Variants in G2E3 observed in about 807,000 individuals in gnomAD.
The protein encoded by G2E3 is G2/M-phase specific E3 ubiquitin protein ligase.
A neutral mutation model predicts 92.8 loss-of-function variants in G2E3; 35 were observed. The ratio of observed to expected loss-of-function variants is 0.38; its 90% CI spans 0.29 to 0.50. The LOEUF is 0.50. Among genes scored for constraint, G2E3 ranks in the 20% least tolerant of loss-of-function variants. The pLI, the probability that G2E3 is intolerant of heterozygous loss-of-function variation, is 0.94. For synonymous variants in G2E3, 242 were observed against 272.4 expected (o/e 0.89, Z 1.10); for missense variants, 554 against 823.8 (o/e 0.67, Z 4.01).
chr14:30,594,979 A>C (rs1252184561), intron 6 of G2E3, among the ~76,000 whole-genome samples: 3 of 151,898 alleles, frequency 2.0e-5, no homozygotes, highest in Admixed American at 2.0e-4. Flanking sequence ...AAATACAAAA[A>C]AAAAAAAAAT....
At chr14:30,581,799 C>T (rs981205251) in intron 2 of G2E3, among the ~76,000 whole-genome samples, 4 of 152,162 alleles carry the variant, frequency 2.6e-5, no homozygotes, top group African/African-American at 9.6e-5. Flanking sequence ...TTGACCTTTG[C>T]TTTTAATTGT....
At chr14:30,614,553 A>C (rs1882230389) in intron 13 of G2E3, among the ~76,000 whole-genome samples, 1 of 152,232 alleles carries the variant, frequency 6.6e-6, no homozygotes, top group African/African-American at 2.4e-5. Flanking sequence ...TCACCTCTTA[A>C]GGACCCTATC....
At position 30,615,343 on chromosome 14, in the gene G2E3, C is replaced by T; in HGVS notation, c.1674-6C>T. 1 of 1,534,018 alleles carries T rather than the reference C, an allele frequency of 6.5e-7. No individual in the cohort carries two copies. On this transcript the variant is annotated splice_polypyrimidine_tract_variant and splice_region_variant and intron_variant, in intron 13 of 14. Coordinates refer to ENST00000206595, the MANE Select transcript of G2E3 (RefSeq NM_017769.5). ...AATGTTGGCTCATTATTTTTCTTCT[C>T]TTAAGTTTTAAGCAGGGTCTGAAAA...
chr14:30,589,946 A>G (rs1043178757), intron 4 of G2E3, among the ~76,000 whole-genome samples: 3 of 152,094 alleles, frequency 2.0e-5, no homozygotes, highest in Non-Finnish European at 4.4e-5. Flanking sequence ...CATGATCTCC[A>G]TATCTCCTGA....
chr14:30,597,717 A>C (rs528299331), intron 7 of G2E3, among the ~76,000 whole-genome samples, 191 bp downstream of exon 7: 1 of 152,198 alleles, frequency 6.6e-6, no homozygotes, highest in Non-Finnish European at 1.5e-5. Context: ...TAAATGTCTC[A>C]TTCATTGATT....
chr14:30,603,514 T>C (rs1422746651), intron 10 of G2E3, among the ~76,000 whole-genome samples: 1 of 152,114 alleles, frequency 6.6e-6, no homozygotes, highest in Non-Finnish European at 1.5e-5. Flanking sequence ...AGTAGAAAAT[T>C]AGTCGCTAAG....
chr14:30,577,223 CAAA>C (rs59757142), intron 1 of G2E3, among the ~76,000 whole-genome samples: 13 of 80,746 alleles, frequency 1.6e-4, no homozygotes, highest in African/African-American at 4.7e-4. Flanking sequence ...GACTCTGTCT[CAAA>C]AAAAAAAAAA....
intron 1 of G2E3, among the ~76,000 whole-genome samples, chr14:30,572,896 G>T (rs928286304): frequency 3.3e-5 from 5 of 152,034 alleles, no homozygotes; most frequent in Non-Finnish European, 5.9e-5. Context: ...ATGAAGGAAA[G>T]TCTAAACTTC....
intron 1 of G2E3, among the ~76,000 whole-genome samples, chr14:30,568,348 A>T (rs923235283): frequency 2.3e-4 from 35 of 152,226 alleles, no homozygotes; most frequent in African/African-American, 7.2e-4. Flanking sequence ...TATGGATTTT[A>T]AAAAAATTCA....
intron 1 of G2E3, among the ~76,000 whole-genome samples, chr14:30,568,199 G>A (rs1031402016): frequency 6.6e-6 from 1 of 151,960 alleles, no homozygotes. Flanking sequence ...TCAACTTAAA[G>A]CCTGTTTTGT....
At chr14:30,599,977 C>T (rs1043091062) in intron 8 of G2E3, among the ~76,000 whole-genome samples, 5 of 152,152 alleles carry the variant, frequency 3.3e-5, no homozygotes, top group Non-Finnish European at 5.9e-5. Context: ...CTCTTTTCTA[C>T]AACAGTCATT....
intron 1 of G2E3, among the ~76,000 whole-genome samples, chr14:30,568,167 C>G (rs1380430140): frequency 6.6e-6 from 1 of 151,930 alleles, no homozygotes; most frequent in African/African-American, 2.4e-5. Context: ...TCTTTAATGT[C>G]CTTTGAGTCC....
intron 8 of G2E3, among the ~76,000 whole-genome samples, chr14:30,599,606 T>C (rs1040250167): frequency 6.6e-6 from 1 of 152,180 alleles, no homozygotes; most frequent in African/African-American, 2.4e-5. Flanking sequence ...CTTCAACATA[T>C]GAAGTGGGGA....
chr14:30,617,347 ATACC>A lies in G2E3; in HGVS notation c.*816_*819del, dbSNP rs1292871235. Reference sequence around the variant, plus strand: ...TGAGGTGGATAACATTTAGTTGAAAATACCTAAGAAAGTGTGTCTTCTTTAAAGC... The same window carrying A: ...TGAGGTGGATAACATTTAGTTGAAAATAAGAAAGTGTGTCTTCTTTAAAGC... On this transcript the variant is annotated 3_prime_UTR_variant, in exon 15 of 15. Coordinates refer to ENST00000206595, the MANE Select transcript of G2E3 (RefSeq NM_017769.5). 1 of 152,088 alleles carries A rather than the reference ATACC, an allele frequency of 6.6e-6. No homozygotes were observed. Among genetic ancestry groups the A allele is most frequent in the Non-Finnish European group, 1.5e-5 (1 of 67,960 alleles). The allele number at this position is 152,088 out of a possible 1,614,324, so 9.4% of individuals were successfully genotyped here. A position where few individuals can be genotyped will look rare whatever the true frequency, so the allele number is the denominator to read the frequency against.
rs748449973 is a variant in G2E3 at position 30,586,725 on chromosome 14, T to A, written c.45T>A (p.Val15=). 2.2e-5 allele frequency: 29 copies of A among 1,298,890 alleles called. No homozygotes were observed. The South Asian group carries it at 4.3e-4, about 19-fold the overall frequency. The allele number at this position is 1,298,890 out of a possible 1,614,324, so 80.5% of individuals were successfully genotyped here. The change falls in exon 3 of 15, where the codon GTT becomes GTA. Residue 15 remains valine, a synonymous_variant. Transcript: ENST00000206595. ...TTACTTTTTCACTGTTAGCTTGTGT[T>A]TTCTGTCGAAAACATGATGACTGTC... The part of the protein sequence containing the change: ...KPGDSQNLAC[V]FCRKHDDCPN...
intron 12 of G2E3, chr14:30,611,996 C>T (rs1882115108): frequency 2.2e-6 from 1 of 456,924 alleles, no homozygotes; most frequent in South Asian, 3.0e-5. Context: ...AGTAAAGTGG[C>T]ATTATACTCT....
intron 7 of G2E3, 88 bp downstream of exon 7, chr14:30,597,614 A>T: frequency 1.3e-6 from 1 of 785,632 alleles, no homozygotes; most frequent in Non-Finnish European, 2.2e-6. Context: ...TGTCTGATTC[A>T]GTGAGCATGG....
rs770967781 is a variant in G2E3 at position 30,601,875 on chromosome 14, G to T, written c.858G>T (p.Arg286Ser). The change falls in exon 9 of 15, where the codon AGG becomes AGT. Residue 286 changes from arginine (R) to serine (S), a missense_variant. Physicochemically the swap from Arg to Ser is moderately radical, Grantham distance 110 (BLOSUM62 -1). Coordinates refer to ENST00000206595, the MANE Select transcript of G2E3 (RefSeq NM_017769.5). ...WEQNWECLEC[R>S]GIIYNSGEFQ... is the part of the protein sequence containing the mutation. Reference sequence around the variant, plus strand: ...AAAATTGGGAGTGTTTGGAATGTAGGGGTATTATCTACAATTCAGGTAATT... The same window carrying T: ...AAAATTGGGAGTGTTTGGAATGTAGTGGTATTATCTACAATTCAGGTAATT... 1 of 1,613,228 alleles carries T rather than the reference G, an allele frequency of 6.2e-7. No individual in the cohort carries two copies. Among genetic ancestry groups the T allele is most frequent in the Non-Finnish European group, 8.5e-7 (1 of 1,179,316 alleles).
chr14:30,603,190 G>A (rs1295587363), intron 10 of G2E3, among the ~76,000 whole-genome samples: 1 of 152,010 alleles, frequency 6.6e-6, no homozygotes, highest in African/African-American at 2.4e-5. Flanking sequence ...GCTGGGCATA[G>A]TGTTGTGCAT....
Sources: allele counts gnomAD v4.1 joint callset (sites outside exome capture counted in the v4.1 genomes callset), GRCh38; gene constraint gnomAD v4.1.1; transcripts MANE v1.5; gene names NCBI Gene and HGNC (gene_info 2026-07-23, HGNC 2026-07-21).